The following IL1RAPL2 variants were observed in gnomAD, a reference collection of about 807,000 sequenced individuals.
IL1RAPL2 encodes the protein interleukin 1 receptor accessory protein like 2.
A neutral mutation model predicts 44.1 loss-of-function variants in IL1RAPL2; 3 were observed. The ratio of observed to expected loss-of-function variants is 0.07; its 90% CI spans 0.03 to 0.18. IL1RAPL2 has a LOEUF of 0.18. Ranked by LOEUF, IL1RAPL2 falls within the 10% of genes least tolerant of loss-of-function variation. The probability of loss-of-function intolerance (pLI) is 1.00; values close to 1 mark genes in which losing one functional copy is unlikely to be tolerated. For missense variants in IL1RAPL2, 391 were observed against 496.4 expected, an observed-to-expected ratio of 0.79 and a Z score of 2.02; for synonymous variants, 181 against 178.8, an observed-to-expected ratio of 1.01 and a Z score of -0.10.
At chrX:105,739,583 G>A (rs1252334421) in intron 7 of IL1RAPL2, among the ~76,000 whole-genome samples, 1 of 98,924 alleles carries the variant, frequency 1.0e-5, no homozygotes, top group Non-Finnish European at 2.0e-5. Flanking sequence ...CCACCTATGA[G>A]TGAGAATATG....
chrX:105,276,159 A>T lies in IL1RAPL2; in HGVS notation c.697+8618A>T, dbSNP rs145988499. The stretch of plus-strand genomic sequence containing the variant: ...GGTGGCTCACGCCTGTAATCCCACC[A>T]CTTTGGGAGACCGGGATGGGCGGAT... On this transcript the variant is annotated intron_variant, in intron 5 of 10. Coordinates refer to ENST00000372582, the MANE Select transcript of IL1RAPL2 (RefSeq NM_017416.2). Among the ~76,000 whole-genome samples, 932 of 112,392 alleles carry T rather than the reference A, an allele frequency of 8.3e-3. 13 individuals are homozygous for T. The highest frequency in any genetic ancestry group is 0.029 in the African/African-American group (899 of 30,924).
chrX:105,415,683 A>G (rs2035728039), intron 5 of IL1RAPL2, among the ~76,000 whole-genome samples: 2 of 111,823 alleles, frequency 1.8e-5, no homozygotes, highest in Non-Finnish European at 3.8e-5. Flanking sequence ...TGCCTTTTCT[A>G]CAATCATTTC....
intron 5 of IL1RAPL2, among the ~76,000 whole-genome samples, chrX:105,444,112 C>T (rs779346718): frequency 2.2e-4 from 25 of 111,711 alleles, no homozygotes; most frequent in Admixed American, 1.8e-3. Flanking sequence ...AGCAACTTTT[C>T]GTATGCCTGT....
intron 2 of IL1RAPL2, among the ~76,000 whole-genome samples, chrX:104,932,288 C>T (rs964483333): frequency 7.3e-5 from 8 of 110,247 alleles, no homozygotes; most frequent in Admixed American, 2.0e-4. Context: ...CGTGAGCCAC[C>T]GCGCTCGGCC....
intron 2 of IL1RAPL2, among the ~76,000 whole-genome samples, chrX:104,718,394 G>T (rs1311844151): frequency 9.0e-6 from 1 of 111,065 alleles, no homozygotes; most frequent in Non-Finnish European, 1.9e-5. Context: ...ATATGGTTTG[G>T]CTCTGTGTCC....
chrX:104,721,975 T>G (rs1232272160), intron 2 of IL1RAPL2, among the ~76,000 whole-genome samples: 2 of 111,485 alleles, frequency 1.8e-5, no homozygotes, highest in African/African-American at 6.5e-5. Flanking sequence ...CACAGTATCT[T>G]GCTCTAATAG....
At chrX:105,594,688 G>A (rs891818734) in intron 6 of IL1RAPL2, among the ~76,000 whole-genome samples, 1 of 111,893 alleles carries the variant, frequency 8.9e-6, no homozygotes, top group Non-Finnish European at 1.9e-5. Flanking sequence ...GGTGTCCATT[G>A]ACAGTGAATT....
chrX:104,765,311 A>T (rs1216486787), intron 2 of IL1RAPL2, among the ~76,000 whole-genome samples: 1 of 110,953 alleles, frequency 9.0e-6, no homozygotes, highest in Non-Finnish European at 1.9e-5. Flanking sequence ...GTATCTAGGG[A>T]TTTGTCCATT....
intron 6 of IL1RAPL2, among the ~76,000 whole-genome samples, chrX:105,533,173 G>A (rs1264347144): frequency 9.0e-6 from 1 of 111,340 alleles, no homozygotes; most frequent in African/African-American, 3.3e-5. Context: ...CTGGGCGACA[G>A]CGCAAGACTC....
intron 2 of IL1RAPL2, among the ~76,000 whole-genome samples, chrX:104,678,967 T>C (rs1930842159): frequency 9.0e-6 from 1 of 111,530 alleles, no homozygotes. Flanking sequence ...GAACTTAAAG[T>C]TTAATAATAA....
chrX:104,639,043 G>C (rs1054163338), intron 1 of IL1RAPL2, among the ~76,000 whole-genome samples: 1 of 111,862 alleles, frequency 8.9e-6, no homozygotes, highest in African/African-American at 3.2e-5. Context: ...CCCAATGTTA[G>C]GTCTATACAT....
intron 2 of IL1RAPL2, among the ~76,000 whole-genome samples, chrX:105,152,734 T>C (rs1175113561): frequency 8.9e-6 from 1 of 112,276 alleles, no homozygotes; most frequent in African/African-American, 3.2e-5. Context: ...CCTACCCTCA[T>C]AGTGGGTATA....
At chrX:105,715,920 A>G (rs1380309174) in intron 6 of IL1RAPL2, among the ~76,000 whole-genome samples, 2 of 111,450 alleles carry the variant, frequency 1.8e-5, no homozygotes, top group Non-Finnish European at 3.8e-5. Context: ...CATAACTCAT[A>G]TATGACACAA....
At chrX:104,821,587 A>T (rs1921303723) in intron 2 of IL1RAPL2, among the ~76,000 whole-genome samples, 1 of 112,132 alleles carries the variant, frequency 8.9e-6, no homozygotes, top group Non-Finnish European at 1.9e-5. Context: ...ATTCTTTATC[A>T]TGGGTGAATA....
chrX:104,711,688 A>G (rs765767242), intron 2 of IL1RAPL2, among the ~76,000 whole-genome samples: 1 of 40,316 alleles, frequency 2.5e-5, no homozygotes, highest in East Asian at 9.9e-4. Context: ...GGCTCATTGG[A>G]AAAAAAAAAG....
intron 2 of IL1RAPL2, among the ~76,000 whole-genome samples, chrX:105,130,385 A>C (rs746271279): frequency 5.0e-4 from 56 of 111,669 alleles, no homozygotes; most frequent in Non-Finnish European, 9.3e-4. Flanking sequence ...CGACCATTTG[A>C]GAAGTACTAT....
intron 2 of IL1RAPL2, among the ~76,000 whole-genome samples, chrX:104,706,785 C>G (rs1188884304): frequency 1.8e-5 from 2 of 111,577 alleles, no homozygotes; most frequent in Non-Finnish European, 3.8e-5. Flanking sequence ...AGGGGCCGTA[C>G]TTTTTAGCTT....
At chrX:105,031,610 T>G (rs1374175038) in intron 2 of IL1RAPL2, among the ~76,000 whole-genome samples, 10 of 111,829 alleles carry the variant, frequency 8.9e-5, no homozygotes, top group East Asian at 2.8e-4. Flanking sequence ...GAGCATGGTG[T>G]ATAAGCTTTT....
rs1024716300 is a variant in IL1RAPL2, at chrX:104,814,825, C to T, written c.82+155830C>T. On this transcript the variant is annotated intron_variant, in intron 2 of 10. Transcript: ENST00000372582. ...AAGAAAGTGAGAGCCAAGAAATGTT[C>T]TTAATGAGTTCTTTTTGGTTCTTAT... Among the ~76,000 whole-genome samples the T allele has an allele frequency of 2.7e-5, 3 of 112,067 alleles. No homozygotes were observed. The East Asian group carries it at 8.4e-4, about 31-fold the overall frequency.
Sources: allele counts gnomAD v4.1 joint callset (sites outside exome capture counted in the v4.1 genomes callset), GRCh38; gene constraint gnomAD v4.1.1; transcripts MANE v1.5; gene names NCBI Gene and HGNC (gene_info 2026-07-23, HGNC 2026-07-21).